CPT1A: variants seen among roughly 807,000 people sequenced by gnomAD.
CPT1A encodes the protein carnitine O-palmitoyltransferase 1, liver isoform.
A neutral mutation model predicts 100.8 loss-of-function variants in CPT1A; 64 were observed. The observed-to-expected ratio is 0.63, with a 90% CI of 0.52 to 0.78. The LOEUF (loss-of-function observed/expected upper bound fraction) is 0.78. CPT1A is among the 30% of genes least tolerant of loss of function. The pLI is 0.00. For missense variants in CPT1A, 802 were observed against 1,034.1 expected (o/e 0.78, Z 3.08); for synonymous variants, 363 against 396.0 (o/e 0.92, Z 0.99).
At chr11:68,816,755 CGTGTGTGTGT>C (rs5792452) in intron 1 of CPT1A, among the ~76,000 whole-genome samples, 123,144 of 145,160 alleles carry the variant, frequency 0.85, 53,690 homozygotes, top group Non-Finnish European at 0.96. Flanking sequence ...TCCAAAAACT[CGTGTGTGTGT>C]GTGTGTGTGT....
intron 1 of CPT1A, among the ~76,000 whole-genome samples, chr11:68,822,189 G>A (rs1322565501): frequency 2.0e-5 from 3 of 151,684 alleles, no homozygotes; most frequent in South Asian, 2.1e-4. Flanking sequence ...ACCAGCCTGC[G>A]CAACATGGCA....
intron 9 of CPT1A, among the ~76,000 whole-genome samples, chr11:68,788,112 T>C (rs754734362): frequency 6.6e-6 from 1 of 152,128 alleles, no homozygotes; most frequent in African/African-American, 2.4e-5. Context: ...AAAATCGCTG[T>C]CTTGCTTAAG....
chr11:68,842,861 G>C (rs183026457), upstream of CPT1A, among the ~76,000 whole-genome samples: 69 of 152,252 alleles, frequency 4.5e-4, no homozygotes, highest in African/African-American at 1.6e-3. Flanking sequence ...CTTCCTGACC[G>C]GGAGCCACCC....
chr11:68,763,502 T>G (rs1011477553), intron 14 of CPT1A, among the ~76,000 whole-genome samples: 1 of 149,802 alleles, frequency 6.7e-6, no homozygotes, highest in Non-Finnish European at 1.5e-5. Flanking sequence ...GAGACTGTGC[T>G]GGGGTGCAGG....
Position 68,793,354 on chromosome 11 carries a change from G to A in CPT1A, c.928C>T (p.Arg310Trp), listed in dbSNP as rs760672457. The change falls in exon 9 of 19, where the codon CGG (arginine) becomes TGG (tryptophan). Residue 310 changes from arginine (R) to tryptophan (W), a missense_variant. Arg to Trp is a moderately radical substitution (Grantham distance 101). Transcript: ENST00000265641. ...GGGATCCGGGAAGTATTAAACATCC[G>A]CTCCCACTGAGCGGAGCAGAGTGGA... The part of the protein sequence containing the change: ...TIPLCSAQWE[R>W]MFNTSRIPGE... 54 of 1,612,034 alleles carry A rather than the reference G, an allele frequency of 3.3e-5. No homozygotes were observed. In the South Asian group the frequency reaches 4.5e-4, roughly 13 times the overall value.
At chr11:68,774,468 G>A (rs1440126956) in intron 13 of CPT1A, among the ~76,000 whole-genome samples, 1 of 151,278 alleles carries the variant, frequency 6.6e-6, no homozygotes, top group East Asian at 2.0e-4. Flanking sequence ...TTTGAGATAG[G>A]GTGTCCCTCT....
chr11:68,784,794 C>A, intron 10 of CPT1A, 21 bp downstream of exon 10: 1 of 1,602,944 alleles, frequency 6.2e-7, no homozygotes. Context: ...CAAAACAGGA[C>A]AAGGGACCTA....
intron 1 of CPT1A, among the ~76,000 whole-genome samples, chr11:68,821,776 T>A (rs924714177): frequency 6.6e-6 from 1 of 152,160 alleles, no homozygotes; most frequent in African/African-American, 2.4e-5. Context: ...AGCCTGAGGA[T>A]ACAAAGCTGA....
In CPT1A at chr11:68,757,862, CGTCTT is replaced by C. The variant is rs1946722090; in HGVS notation, c.2236-137_2236-133del. On this transcript the variant is annotated intron_variant, in intron 18 of 18. Transcript: ENST00000265641. The stretch of plus-strand genomic sequence containing the variant: ...TGCCAGTTCTCTAAGATCTGACCAA[CGTCTT>C]AAAGCTTAACTTAGACATTCCAGAG... 8 of 767,866 alleles carry C rather than the reference CGTCTT, an allele frequency of 1.0e-5. No individual in the cohort carries two copies. In the East Asian group the frequency reaches 2.1e-4, roughly 20 times the overall value. The allele number at this position is 767,866 out of a possible 1,614,324, so 47.6% of individuals were successfully genotyped here. A position where few individuals can be genotyped will look rare whatever the true frequency, so the allele number is the denominator to read the frequency against.
At chr11:68,788,715 A>AT (rs1855538665) in intron 9 of CPT1A, among the ~76,000 whole-genome samples, 1 of 151,102 alleles carries the variant, frequency 6.6e-6, no homozygotes, top group African/African-American at 2.4e-5. Context: ...ATACACATCC[A>AT]TTTTTAAAAA....
At position 68,841,859 on chromosome 11, in the gene CPT1A, C is replaced by G. The variant is rs1264389011; in HGVS notation, c.-98G>C. On this transcript the variant is annotated 5_prime_UTR_variant, in exon 1 of 19. Coordinates refer to ENST00000265641, the MANE Select transcript of CPT1A (RefSeq NM_001876.4). This position sits in a 1 kb window ranked among gnomAD's most constrained non-coding sequence, Gnocchi z 6.3. ...GGAGTGAACGAGCGGCGAGCGGGAG[C>G]CGGGGAAGGAGGGCCGCGGGCGAGG... The G allele has an allele frequency of 1.5e-5, 15 of 993,128 alleles. No homozygotes were observed. Among genetic ancestry groups the G allele is most frequent in the Non-Finnish European group, 1.8e-5 (15 of 836,960 alleles). The allele number at this position is 993,128 out of a possible 1,614,324, so 61.5% of individuals were successfully genotyped here.
chr11:68,781,319 G>A (rs1855305776), intron 11 of CPT1A, among the ~76,000 whole-genome samples: 1 of 152,112 alleles, frequency 6.6e-6, no homozygotes, highest in African/African-American at 2.4e-5. Context: ...TTTTGGCAGA[G>A]GGAAGAAAAC....
intron 3 of CPT1A, among the ~76,000 whole-genome samples, chr11:68,809,419 G>T (rs1856135035): frequency 6.6e-6 from 1 of 152,182 alleles, no homozygotes. Flanking sequence ...AGCTTTCTTT[G>T]AAAGGACATG....
In CPT1A at chr11:68,761,586, G is replaced by A; in HGVS notation, c.1977C>T (p.Cys659=). Residue 659 remains cysteine, a synonymous_variant, in exon 16 of 19, where the codon TGC becomes TGT. Coordinates refer to ENST00000265641, the MANE Select transcript of CPT1A (RefSeq NM_001876.4). ...TGSGIDRHLF[C]LYVVSKYLAV... ...CGAGATATTTAGACACCACGTAAAG[G>A]CAGAAGAGGTGACGATCGATCCCAG... 1.2e-6 allele frequency: 2 copies of A among 1,614,034 alleles called. No homozygotes were observed. Among genetic ancestry groups the A allele is most frequent in the Non-Finnish European group, 1.7e-6 (2 of 1,180,010 alleles).
chr11:68,807,879 C>T (rs557770894), intron 3 of CPT1A, among the ~76,000 whole-genome samples: 12 of 152,394 alleles, frequency 7.9e-5, no homozygotes, highest in African/African-American at 2.9e-4. Context: ...GCGCCCGGGG[C>T]GGGCCTGTTT....
intron 13 of CPT1A, chr11:68,773,933 A>G: frequency 4.6e-6 from 1 of 217,726 alleles, no homozygotes; most frequent in East Asian, 1.1e-4. Flanking sequence ...AGGCAAGGGC[A>G]GAACACCTCA....
intron 1 of CPT1A, among the ~76,000 whole-genome samples, chr11:68,816,276 T>C (rs1202251088): frequency 6.6e-6 from 1 of 152,196 alleles, no homozygotes; most frequent in African/African-American, 2.4e-5. Flanking sequence ...TTCGAGAAAC[T>C]GTTCTAGGGT....
At position 68,812,634 on chromosome 11, in the gene CPT1A, C is replaced by T. The variant is rs144790528; in HGVS notation, c.142-58G>A. The T allele has an allele frequency of 2.2e-4, 350 of 1,601,280 alleles. 4 individuals are homozygous for T. In the East Asian group the frequency reaches 3.8e-3, roughly 18 times the overall value. ...CCTCCCACAACCCACAGGGCAATGACGCTTCATGGCCCCTGGCAGCAGGGC... is the reference window on the plus strand; with the variant it reads ...CCTCCCACAACCCACAGGGCAATGATGCTTCATGGCCCCTGGCAGCAGGGC... On this transcript the variant is annotated intron_variant, in intron 2 of 18. Transcript: ENST00000265641.
chr11:68,761,823 G>T, intron 15 of CPT1A, 136 bp from the exon 16 acceptor site: 1 of 1,061,426 alleles, frequency 9.4e-7, no homozygotes, highest in Non-Finnish European at 1.4e-6. Flanking sequence ...GTTGCCCAGG[G>T]TGGTTTCGAA....
Sources: allele counts gnomAD v4.1 joint callset (sites outside exome capture counted in the v4.1 genomes callset), GRCh38; gene constraint gnomAD v4.1.1; non-coding constraint Gnocchi (gnomAD v3.1); transcripts MANE v1.5; gene names NCBI Gene and HGNC (gene_info 2026-07-23, HGNC 2026-07-21).